Variants in KIF26B observed in about 807,000 individuals in gnomAD.
KIF26B encodes kinesin-like protein KIF26B.
A neutral mutation model predicts 151.2 loss-of-function variants in KIF26B; 63 were observed. The ratio of observed to expected loss-of-function variants is 0.42; its 90% CI spans 0.34 to 0.51. The LOEUF (loss-of-function observed/expected upper bound fraction) is 0.51, where lower values mean the gene tolerates loss of function less well. KIF26B is among the 20% of genes least tolerant of loss of function. The pLI is 0.07. For synonymous variants in KIF26B, 1,357 were observed against 1,262.1 expected, an observed-to-expected ratio of 1.08 and a Z score of -1.59; for missense variants, 2,813 against 2,913.6, an observed-to-expected ratio of 0.97 and a Z score of 0.79.
intron 2 of KIF26B, among the ~76,000 whole-genome samples, chr1:245,172,957 C>G (rs536222533): frequency 6.6e-6 from 1 of 152,330 alleles, no homozygotes; most frequent in East Asian, 1.9e-4. Context: ...TAGCCATGTT[C>G]ATAGCAGCCT....
chr1:245,188,184 G>C (rs1669033132), intron 2 of KIF26B, among the ~76,000 whole-genome samples: 1 of 148,024 alleles, frequency 6.8e-6, no homozygotes, highest in Admixed American at 7.1e-5. Flanking sequence ...GGAGGCTAAG[G>C]CAGGAGAATC....
intron 3 of KIF26B, among the ~76,000 whole-genome samples, chr1:245,396,383 A>G (rs1338179426): frequency 2.0e-5 from 3 of 152,240 alleles, no homozygotes; most frequent in Admixed American, 2.0e-4. Context: ...CAACATCAAC[A>G]TAATCATTTT....
chr1:245,458,311 G>A (rs1409602067), intron 4 of KIF26B, among the ~76,000 whole-genome samples: 1 of 152,124 alleles, frequency 6.6e-6, no homozygotes, highest in South Asian at 2.1e-4. Flanking sequence ...TAAAGGCAGC[G>A]GCTATTTAGG....
At chr1:245,679,245 G>A (rs1451682315) in intron 10 of KIF26B, among the ~76,000 whole-genome samples, 2 of 152,112 alleles carry the variant, frequency 1.3e-5, no homozygotes, top group African/African-American at 2.4e-5. Context: ...ATTTACAAAA[G>A]CAGGCAGTGT....
chr1:245,316,557 C>T (rs1202786667), intron 2 of KIF26B, among the ~76,000 whole-genome samples: 1 of 151,756 alleles, frequency 6.6e-6, no homozygotes, highest in Non-Finnish European at 1.5e-5. Flanking sequence ...TAATCATCAT[C>T]GGCCTCTTTT....
At chr1:245,411,313 T>G (rs1674277023) in intron 3 of KIF26B, among the ~76,000 whole-genome samples, 1 of 152,170 alleles carries the variant, frequency 6.6e-6, no homozygotes, top group African/African-American at 2.4e-5. Flanking sequence ...CAAGTTTGCC[T>G]GATACCTTGG....
intron 2 of KIF26B, among the ~76,000 whole-genome samples, chr1:245,277,784 A>G (rs1218512402): frequency 6.6e-6 from 1 of 152,050 alleles, no homozygotes; most frequent in African/African-American, 2.4e-5. Flanking sequence ...GTGACTGGGA[A>G]GTGGGAAGGG....
At chr1:245,445,665 A>G (rs12116698) in intron 4 of KIF26B, among the ~76,000 whole-genome samples, 16,608 of 152,280 alleles carry the variant, frequency 0.11, 1,160 homozygotes, top group Non-Finnish European at 0.15. Context: ...ATACTCACAG[A>G]TCCCTCCAGA....
intron 2 of KIF26B, among the ~76,000 whole-genome samples, chr1:245,261,503 C>A (rs1558366091): frequency 1.8e-5 from 2 of 110,536 alleles, no homozygotes; most frequent in Non-Finnish European, 3.7e-5. Context: ...CTCTCTCTCT[C>A]CCTCCCTCCC....
At chr1:245,629,990 A>G (rs1027252325) in intron 9 of KIF26B, among the ~76,000 whole-genome samples, 3 of 151,908 alleles carry the variant, frequency 2.0e-5, no homozygotes, top group African/African-American at 4.9e-5. Flanking sequence ...AAAGCTCAAC[A>G]TCACTGATCA....
At chr1:245,542,422 G>T (rs1461240567) in intron 5 of KIF26B, among the ~76,000 whole-genome samples, 2 of 152,252 alleles carry the variant, frequency 1.3e-5, no homozygotes, top group Non-Finnish European at 2.9e-5. Flanking sequence ...TTTCCTTGGT[G>T]GTGGGCAGGG....
intron 2 of KIF26B, among the ~76,000 whole-genome samples, chr1:245,217,363 ATTTTTT>A (rs10533175): frequency 8.6e-6 from 1 of 116,026 alleles, no homozygotes; most frequent in Non-Finnish European, 1.9e-5. Context: ...TTATTTGTTA[ATTTTTT>A]TTTTTTTTTT....
chr1:245,192,451 T>TA (rs1669126787), intron 2 of KIF26B, among the ~76,000 whole-genome samples: 1 of 152,218 alleles, frequency 6.6e-6, no homozygotes, highest in Non-Finnish European at 1.5e-5. Context: ...TACATTACTT[T>TA]AAAAACATTT....
chr1:245,463,572 C>T (rs529869847), intron 4 of KIF26B, among the ~76,000 whole-genome samples: 2 of 152,262 alleles, frequency 1.3e-5, no homozygotes, highest in East Asian at 3.9e-4. Flanking sequence ...GAGGTCAGCT[C>T]CGCACACACT....
intron 2 of KIF26B, among the ~76,000 whole-genome samples, chr1:245,356,861 G>T (rs1049147590): frequency 1.3e-5 from 2 of 152,326 alleles, no homozygotes; most frequent in East Asian, 1.9e-4. Flanking sequence ...GAGTGTTGGG[G>T]CTAGTTTGCA....
At chr1:245,405,551 C>A (rs1292311186) in intron 3 of KIF26B, among the ~76,000 whole-genome samples, 1 of 151,984 alleles carries the variant, frequency 6.6e-6, no homozygotes, top group Non-Finnish European at 1.5e-5. Context: ...TTATGGCTAA[C>A]CTACAGAGAC....
intron 2 of KIF26B, among the ~76,000 whole-genome samples, chr1:245,321,950 G>T (rs6659950): frequency 6.6e-6 from 1 of 152,144 alleles, no homozygotes; most frequent in East Asian, 1.9e-4. Flanking sequence ...AAGAAAGTAC[G>T]TTGAGATCTT....
intron 4 of KIF26B, among the ~76,000 whole-genome samples, chr1:245,423,827 T>C (rs983052356): frequency 2.6e-5 from 4 of 152,160 alleles, no homozygotes; most frequent in African/African-American, 9.7e-5. Context: ...ATTTAAAATG[T>C]ATTTATTTTT....
rs1023350428 is a variant in KIF26B at position 245,560,919 on chromosome 1, G to A, written c.1350+19969G>A. Among the ~76,000 whole-genome samples the A allele has an allele frequency of 2.0e-5, 3 of 152,190 alleles. No individual in the cohort carries two copies. The South Asian group carries it at 6.2e-4, about 31-fold the overall frequency. The stretch of plus-strand genomic sequence containing the variant: ...AAAATTGCAGCCCCTAAGGGGAGCC[G>A]TGCTAAGGTGTGATACAGGCCATGC... On this transcript the variant is annotated intron_variant, in intron 5 of 14. Transcript: ENST00000407071. This position sits in a 1 kb window ranked among gnomAD's most constrained non-coding sequence, Gnocchi z 4.3.
Sources: gnomAD v4.1 joint callset for allele counts (sites outside exome capture counted in the v4.1 genomes callset) on GRCh38, gnomAD v4.1.1 for gene constraint, Gnocchi (gnomAD v3.1) non-coding constraint, MANE v1.5 for transcripts, NCBI Gene and HGNC (gene_info 2026-07-23, HGNC 2026-07-21) for gene names.